ADARB1: variants seen among roughly 807,000 people sequenced by gnomAD.
The protein encoded by ADARB1 is double-stranded RNA-specific editase 1.
Under a neutral mutation model 52.4 loss-of-function variants are expected in ADARB1, and 10 were observed. The ratio of observed to expected loss-of-function variants is 0.19; its 90% CI spans 0.12 to 0.32. The LOEUF (loss-of-function observed/expected upper bound fraction) is 0.32, where lower values mean the gene tolerates loss of function less well. ADARB1 is among the 10% of genes least tolerant of loss of function. The pLI is 1.00. For missense variants in ADARB1, 643 were observed against 922.3 expected (o/e 0.70, Z 3.92); for synonymous variants, 349 against 371.1 (o/e 0.94, Z 0.68).
At chr21:45,109,175 G>A (rs375956458) in intron 1 of ADARB1, among the ~76,000 whole-genome samples, 4 of 147,330 alleles carry the variant, frequency 2.7e-5, no homozygotes, top group East Asian at 2.1e-4. Flanking sequence ...GTGTGTGCGC[G>A]CGTGTGCGTA....
intron 1 of ADARB1, among the ~76,000 whole-genome samples, chr21:45,083,158 G>A (rs949371260): frequency 4.6e-5 from 7 of 152,224 alleles, no homozygotes; most frequent in Non-Finnish European, 1.0e-4. Flanking sequence ...CTGAGGGCTC[G>A]GAGCAATGCC....
chr21:45,096,488 T>A (rs540763179), intron 1 of ADARB1, among the ~76,000 whole-genome samples: 2 of 152,328 alleles, frequency 1.3e-5, no homozygotes, highest in African/African-American at 4.8e-5. Flanking sequence ...CCTGAGGCTG[T>A]TGGAGGGACA....
chr21:45,121,377 GT>G (rs1469208349), intron 1 of ADARB1, among the ~76,000 whole-genome samples: 6 of 152,212 alleles, frequency 3.9e-5, no homozygotes, highest in Admixed American at 3.9e-4. Flanking sequence ...TAGGTGGGGA[GT>G]TTACTTTCCC....
Position 45,224,599 on chromosome 21 carries a change from G to GTT in ADARB1, c.*2402_*2403insTT. 1 of 625,918 alleles carries GTT rather than the reference G, an allele frequency of 1.6e-6. No individual in the cohort carries two copies. The highest frequency in any genetic ancestry group is 1.8e-6 in the Non-Finnish European group (1 of 556,116). 38.8% of individuals were successfully genotyped at this position (625,918 alleles called of 1,614,324 possible). Reference sequence around the variant, plus strand: ...CCTGGGCAGGGGGCTACTGGGGGGCGGCTGTGAGGAGGAGTTGGGTTCAGG... The same window carrying GTT: ...CCTGGGCAGGGGGCTACTGGGGGGCGTTGCTGTGAGGAGGAGTTGGGTTCAGG... On this transcript the variant is annotated 3_prime_UTR_variant, in exon 11 of 11. Transcript: ENST00000348831.
intron 2 of ADARB1, among the ~76,000 whole-genome samples, chr21:45,159,924 A>G (rs746591210): frequency 1.3e-5 from 2 of 152,244 alleles, no homozygotes; most frequent in African/African-American, 2.4e-5. Flanking sequence ...TTTGAAAACT[A>G]TCTTTGCTTT....
At chr21:45,131,361 G>A (rs896463534) in intron 2 of ADARB1, among the ~76,000 whole-genome samples, 1 of 152,208 alleles carries the variant, frequency 6.6e-6, no homozygotes, top group African/African-American at 2.4e-5. Flanking sequence ...CTGTCTCTAG[G>A]TAGTCTCTGT....
At chr21:45,212,055 A>G (rs1021280851) in intron 9 of ADARB1, among the ~76,000 whole-genome samples, 1 of 110,780 alleles carries the variant, frequency 9.0e-6, no homozygotes, top group Non-Finnish European at 2.1e-5. Context: ...TTGGGATCTT[A>G]TATTTTTTGT....
At chr21:45,130,534 G>A (rs960488447) in intron 2 of ADARB1, among the ~76,000 whole-genome samples, 8 of 152,146 alleles carry the variant, frequency 5.3e-5, no homozygotes, top group Admixed American at 3.9e-4. Context: ...AGCTAATTTC[G>A]GCAGCAAACA....
chr21:45,175,726 A>C lies in ADARB1; in HGVS notation c.29-4A>C. On this transcript the variant is annotated splice_region_variant and splice_polypyrimidine_tract_variant and intron_variant, in intron 3 of 10. Transcript: ENST00000348831. ...TTGTAAGTTACTCTTTCTGGGCACC[A>C]CAGGTTCCAGCAGCACTGATGTGAA... 1 of 1,613,512 alleles carries C rather than the reference A, an allele frequency of 6.2e-7. No individual in the cohort carries two copies. The highest frequency in any genetic ancestry group is 8.5e-7 in the Non-Finnish European group (1 of 1,179,790).
chr21:45,206,669 G>GT (rs1457583089), intron 9 of ADARB1, among the ~76,000 whole-genome samples: 1 of 139,018 alleles, frequency 7.2e-6, no homozygotes, highest in African/African-American at 2.7e-5. Context: ...CACTTCCCAG[G>GT]TTCAAGCAAT....
intron 2 of ADARB1, among the ~76,000 whole-genome samples, chr21:45,149,770 A>C (rs2090188885): frequency 6.6e-6 from 1 of 152,196 alleles, no homozygotes. Context: ...TATATTAAGC[A>C]TTTTCGGATA....
intron 1 of ADARB1, among the ~76,000 whole-genome samples, chr21:45,076,562 G>A (rs2085944229): frequency 6.6e-6 from 1 of 152,234 alleles, no homozygotes; most frequent in African/African-American, 2.4e-5. Context: ...ATCCAGCTCT[G>A]AGAAATTGAT....
chr21:45,217,528 C>T (rs553901517), intron 9 of ADARB1, among the ~76,000 whole-genome samples: 39 of 152,126 alleles, frequency 2.6e-4, no homozygotes, highest in Non-Finnish European at 4.7e-4. Flanking sequence ...TTTTCAGACA[C>T]TTTTGCATGT....
intron 8 of ADARB1, among the ~76,000 whole-genome samples, chr21:45,191,905 T>C (rs948104472): frequency 8.2e-6 from 1 of 121,832 alleles, no homozygotes; most frequent in African/African-American, 3.1e-5. Context: ...TTTTTTTTTT[T>C]TTTTTTGTAG....
rs1270802585 is a variant in ADARB1 at position 45,180,362 on chromosome 21, G to T, written c.996G>T (p.Leu332=). The part of the protein sequence containing the change: ...VLADAVSRLV[L]GKFGDLTDNF... ...CTGACGCTGTCTCACGCCTGGTCCT[G>T]GGTAAGTTTGGTGACCTGACCGACA... Residue 332 remains leucine (L), a synonymous_variant, in exon 5 of 11, where the codon CTG becomes CTT. Coordinates refer to ENST00000348831, the MANE Select transcript of ADARB1 (RefSeq NM_001112.4). 1 of 1,614,128 alleles carries T rather than the reference G, an allele frequency of 6.2e-7. No homozygotes were observed. The highest frequency in any genetic ancestry group is 8.5e-7 in the Non-Finnish European group (1 of 1,180,008).
At chr21:45,105,818 G>A (rs545219969) in intron 1 of ADARB1, among the ~76,000 whole-genome samples, 1 of 152,222 alleles carries the variant, frequency 6.6e-6, no homozygotes, top group South Asian at 2.1e-4. Flanking sequence ...GTCTGTAGAG[G>A]TGAAGTTCCA....
chr21:45,155,356 C>G (rs1309597970), intron 2 of ADARB1, among the ~76,000 whole-genome samples: 1 of 152,132 alleles, frequency 6.6e-6, no homozygotes, highest in Non-Finnish European at 1.5e-5. Context: ...GGGGAGGAAG[C>G]AGGCGGCTGT....
intron 1 of ADARB1, among the ~76,000 whole-genome samples, chr21:45,116,636 A>G (rs2087840482): frequency 1.3e-5 from 2 of 152,248 alleles, no homozygotes; most frequent in East Asian, 1.9e-4. Context: ...GAAACTTACA[A>G]TCATGGTGGA....
intron 8 of ADARB1, among the ~76,000 whole-genome samples, chr21:45,196,293 G>A (rs2092423681): frequency 6.6e-6 from 1 of 150,916 alleles, no homozygotes; most frequent in Admixed American, 6.6e-5. Context: ...ATATCCCTGT[G>A]CAGAAAAAAA....
Sources: gnomAD v4.1 joint callset for allele counts (sites outside exome capture counted in the v4.1 genomes callset) on GRCh38, gnomAD v4.1.1 for gene constraint, MANE v1.5 for transcripts, NCBI Gene and HGNC (gene_info 2026-07-23, HGNC 2026-07-21) for gene names.